The following PCDHGB3 variants were observed in gnomAD, a reference collection of about 807,000 sequenced individuals.
The protein encoded by PCDHGB3 is protocadherin gamma-B3.
A neutral mutation model predicts 59.2 loss-of-function variants in PCDHGB3; 40 were observed. The observed-to-expected ratio is 0.68, with a 90% CI of 0.52 to 0.88. PCDHGB3 has a LOEUF of 0.88. PCDHGB3 is among the 40% of genes least tolerant of loss of function. PCDHGB3 has a pLI of 0.00. For synonymous variants in PCDHGB3, 581 were observed against 503.6 expected (o/e 1.15, Z -2.06); for missense variants, 1,309 against 1,187.9 (o/e 1.10, Z -1.50).
intron 1 of PCDHGB3, among the ~76,000 whole-genome samples, chr5:141,480,386 A>G (rs966068994): frequency 6.6e-6 from 1 of 151,826 alleles, no homozygotes; most frequent in Non-Finnish European, 1.5e-5. Context: ...CTACACTTCA[A>G]CCATGGCAAT....
chr5:141,488,672 G>A (rs1012955473), intron 1 of PCDHGB3, among the ~76,000 whole-genome samples: 20 of 152,208 alleles, frequency 1.3e-4, no homozygotes, highest in African/African-American at 4.8e-4. Context: ...GAATACATGG[G>A]CTTTGCCTCT....
chr5:141,409,867 C>A (rs376725837), intron 1 of PCDHGB3: 201 of 1,612,544 alleles, frequency 1.2e-4, no homozygotes, highest in Middle Eastern at 8.2e-4. Context: ...TGGGAGACCG[C>A]AATGACAACG....
At chr5:141,376,649 A>T in intron 1 of PCDHGB3, 1 of 978,990 alleles carries the variant, frequency 1.0e-6, no homozygotes, top group Non-Finnish European at 1.5e-6. Flanking sequence ...GTAAAGTGGA[A>T]GACTCCCTTG....
rs956295940 is a variant in PCDHGB3 at position 141,477,700 on chromosome 5, G to T, written c.2416-17107G>T. The T allele has an allele frequency of 1.2e-6, 2 of 1,613,954 alleles. No individual in the cohort carries two copies. Among genetic ancestry groups the T allele is most frequent in the African/African-American group, 2.7e-5 (2 of 74,928 alleles). On this transcript the variant is annotated intron_variant, in intron 1 of 3. Coordinates refer to ENST00000576222, the MANE Select transcript of PCDHGB3 (RefSeq NM_018924.5). This position sits in a 1 kb window ranked among gnomAD's most constrained non-coding sequence, Gnocchi z 4.9. ...CATCCTTAGTGCCCCTAGACTATGAGGATCGGCGGGAATTTGAATTAACAG... is the reference window on the plus strand; with the variant it reads ...CATCCTTAGTGCCCCTAGACTATGATGATCGGCGGGAATTTGAATTAACAG...
At chr5:141,502,866 C>CTTTTTTTTTTTTTTTT (rs549047197) in intron 2 of PCDHGB3, among the ~76,000 whole-genome samples, 4 of 128,044 alleles carry the variant, frequency 3.1e-5, no homozygotes, top group African/African-American at 3.1e-5. Context: ...GACTCTCTGT[C>CTTTTTTTTTTTTTTTT]TTTTTTTTTT....
chr5:141,445,446 G>T (rs2098467238), intron 1 of PCDHGB3, among the ~76,000 whole-genome samples: 1 of 152,264 alleles, frequency 6.6e-6, no homozygotes, highest in Admixed American at 6.5e-5. Flanking sequence ...ATGGACTAAG[G>T]ATGCAGCAAT....
At chr5:141,385,891 T>C (rs1366389515) in intron 1 of PCDHGB3, 2 of 152,892 alleles carry the variant, frequency 1.3e-5, no homozygotes, top group African/African-American at 4.8e-5. Flanking sequence ...AAGAATGAAA[T>C]GTGTGTGTAT....
chr5:141,505,520 C>T, intron 3 of PCDHGB3, 39 bp downstream of exon 3: 1 of 1,612,650 alleles, frequency 6.2e-7, no homozygotes, highest in Non-Finnish European at 8.5e-7. Flanking sequence ...AGTGGGAGAC[C>T]TGGGGTTCTG....
At chr5:141,414,861 T>C in intron 1 of PCDHGB3, 1 of 1,614,118 alleles carries the variant, frequency 6.2e-7, no homozygotes, top group Admixed American at 1.7e-5. Context: ...AGAACGACAA[T>C]GCGCCCGAGA....
At position 141,485,811 on chromosome 5, in the gene PCDHGB3, C is replaced by T; in HGVS notation, c.2416-8996C>T. 6.2e-7 allele frequency: 1 copy of T among 1,614,220 alleles called. No homozygotes were observed. The highest frequency in any genetic ancestry group is 8.5e-7 in the Non-Finnish European group (1 of 1,180,028). ...CAATCGGACTACCGCCTGGTGCTGA[C>T]TGCTGTCGATGGAGGGAACCCGCCG... On this transcript the variant is annotated intron_variant, in intron 1 of 3. Transcript: ENST00000576222. This position sits in a 1 kb window ranked among gnomAD's most constrained non-coding sequence, Gnocchi z 5.7.
At chr5:141,424,055 C>T (rs2096796946) in intron 1 of PCDHGB3, 1 of 1,007,784 alleles carries the variant, frequency 9.9e-7, no homozygotes. Flanking sequence ...TTTTGCTGTG[C>T]CTTCACTGAT....
intron 1 of PCDHGB3, among the ~76,000 whole-genome samples, chr5:141,464,702 G>T (rs934638404): frequency 1.3e-5 from 2 of 151,942 alleles, no homozygotes; most frequent in African/African-American, 2.4e-5. Context: ...TATGAATGAG[G>T]TTAAATAGTT....
At chr5:141,378,377 G>A (rs1488267882) in intron 1 of PCDHGB3, 1 of 152,208 alleles carries the variant, frequency 6.6e-6, no homozygotes, top group African/African-American at 2.4e-5. Flanking sequence ...ACAAAAATTA[G>A]CCAGGTGGGG....
chr5:141,421,538 T>A, intron 1 of PCDHGB3: 2 of 1,614,028 alleles, frequency 1.2e-6, no homozygotes, highest in Non-Finnish European at 1.7e-6. Context: ...TCCTCCTGTT[T>A]TTTAAATATG....
At chr5:141,393,715 T>C in intron 1 of PCDHGB3, 1 of 1,613,746 alleles carries the variant, frequency 6.2e-7, no homozygotes, top group South Asian at 1.1e-5. Flanking sequence ...ACTGGGGAAA[T>C]ATCAATAGCA....
rs374191427 is a variant in PCDHGB3 at position 141,419,804 on chromosome 5, G to A, written c.2415+46995G>A. ...GCGCCTGCTAGTCGCTGTAAGAGAT[G>A]GAGGACAGCCACCCCTTTCAGCCAC... On this transcript the variant is annotated intron_variant, in intron 1 of 3. Coordinates refer to ENST00000576222, the MANE Select transcript of PCDHGB3 (RefSeq NM_018924.5). The A allele has an allele frequency of 2.8e-5, 45 of 1,613,946 alleles. No homozygotes were observed. The highest frequency in any genetic ancestry group is 1.6e-4 in the Middle Eastern group (1 of 6,082).
chr5:141,509,060 T>G (rs2099874519), intron 3 of PCDHGB3, among the ~76,000 whole-genome samples: 1 of 152,216 alleles, frequency 6.6e-6, no homozygotes, highest in Middle Eastern at 3.4e-3. Flanking sequence ...CAGAAAGCTC[T>G]CAGCTCCGGG....
chr5:141,509,081 A>T (rs1279221589), intron 3 of PCDHGB3, among the ~76,000 whole-genome samples: 1 of 152,160 alleles, frequency 6.6e-6, no homozygotes, highest in Non-Finnish European at 1.5e-5. Context: ...GATTTGCGAC[A>T]TGAAATGGGG....
chr5:141,486,673 A>G lies in PCDHGB3; in HGVS notation c.2416-8134A>G. On this transcript the variant is annotated intron_variant, in intron 1 of 3. Transcript: ENST00000576222. The surrounding 1 kb of genome is among the most constrained non-coding windows in gnomAD (Gnocchi z 5.0). ...ACTCACTCCTGGAGCCCAGGAATCG[A>G]GATGTATCAGCTTCCTCTTTCATCT... The G allele has an allele frequency of 6.2e-7, 1 of 1,614,014 alleles. No homozygotes were observed. The highest frequency in any genetic ancestry group is 2.2e-5 in the East Asian group (1 of 44,866).
Sources: gnomAD v4.1 joint callset for allele counts (sites outside exome capture counted in the v4.1 genomes callset) on GRCh38, gnomAD v4.1.1 for gene constraint, Gnocchi (gnomAD v3.1) non-coding constraint, MANE v1.5 for transcripts, NCBI Gene and HGNC (gene_info 2026-07-23, HGNC 2026-07-21) for gene names.